The following PLEKHH2 variants were observed in gnomAD, a reference collection of about 807,000 sequenced individuals.
PLEKHH2 encodes pleckstrin homology domain-containing family H member 2.
In PLEKHH2, 129 loss-of-function variants were observed where a neutral mutation model predicts 187.9. The ratio of observed to expected loss-of-function variants is 0.69; its 90% CI spans 0.59 to 0.79. The LOEUF (loss-of-function observed/expected upper bound fraction) is 0.79, where lower values mean the gene tolerates loss of function less well. Among genes scored for constraint, PLEKHH2 ranks in the 30% least tolerant of loss-of-function variants. The pLI, the probability that PLEKHH2 is intolerant of heterozygous loss-of-function variation, is 0.00. For synonymous variants in PLEKHH2, 686 were observed against 605.6 expected, an observed-to-expected ratio of 1.13 and a Z score of -1.95; for missense variants, 2,076 against 1,751.2, an observed-to-expected ratio of 1.19 and a Z score of -3.31.
intron 2 of PLEKHH2, among the ~76,000 whole-genome samples, chr2:43,672,242 A>G (rs942502839): frequency 6.6e-6 from 1 of 152,084 alleles, no homozygotes; most frequent in Non-Finnish European, 1.5e-5. Context: ...CATTACTGAT[A>G]TTGATAATTT....
chr2:43,742,093 A>G (rs1671590719), intron 21 of PLEKHH2, among the ~76,000 whole-genome samples: 1 of 151,808 alleles, frequency 6.6e-6, no homozygotes, highest in East Asian at 1.9e-4. Context: ...CTCCACCTCC[A>G]AGGTCCAAGT....
chr2:43,743,010 C>A, intron 22 of PLEKHH2, 92 bp downstream of exon 22: 2 of 1,016,020 alleles, frequency 2.0e-6, no homozygotes, highest in South Asian at 3.0e-5. Flanking sequence ...CTTTTGTCAG[C>A]ACCTGGCAGT....
intron 2 of PLEKHH2, among the ~76,000 whole-genome samples, chr2:43,674,363 T>G (rs1177945086): frequency 6.6e-6 from 1 of 152,204 alleles, no homozygotes; most frequent in Non-Finnish European, 1.5e-5. Context: ...ATAGTTATAT[T>G]GTAGAAGTGA....
At chr2:43,761,479 C>T (rs1407653236) in intron 27 of PLEKHH2, among the ~76,000 whole-genome samples, 3 of 145,914 alleles carry the variant, frequency 2.1e-5, no homozygotes, top group African/African-American at 7.7e-5. Context: ...GGCACTATCT[C>T]AGCTCACTGC....
In PLEKHH2 at chr2:43,727,962, G is replaced by A. The variant is rs530858331; in HGVS notation, c.2721+1511G>A. On this transcript the variant is annotated intron_variant, in intron 17 of 29. Transcript: ENST00000282406. The stretch of plus-strand genomic sequence containing the variant: ...TACGCTCATCTGTAATCAAAGATGC[G>A]CACATTTAAAAATGATAAAGCTTTT... Among the ~76,000 whole-genome samples, 7 of 152,196 alleles carry A rather than the reference G, an allele frequency of 4.6e-5. No homozygotes were observed. The South Asian group carries it at 6.2e-4, about 14-fold the overall frequency.
At chr2:43,746,955 G>A (rs987704846) in intron 24 of PLEKHH2, among the ~76,000 whole-genome samples, 2 of 151,616 alleles carry the variant, frequency 1.3e-5, no homozygotes, top group East Asian at 1.9e-4. Flanking sequence ...GGACGACAAA[G>A]CGAGACTCTG....
chr2:43,744,869 A>G (rs1335239542), intron 23 of PLEKHH2, among the ~76,000 whole-genome samples: 8 of 131,900 alleles, frequency 6.1e-5, no homozygotes, highest in African/African-American at 2.2e-4. Flanking sequence ...CTGTCTCACA[A>G]AAAAAAAAAA....
chr2:43,719,039 CT>C (rs1315761939), intron 15 of PLEKHH2, among the ~76,000 whole-genome samples: 1 of 152,156 alleles, frequency 6.6e-6, no homozygotes, highest in Non-Finnish European at 1.5e-5. Flanking sequence ...TATTGAGTAA[CT>C]ACTGTCATCC....
intron 28 of PLEKHH2, among the ~76,000 whole-genome samples, chr2:43,762,879 C>T (rs1386654625): frequency 6.6e-6 from 1 of 151,892 alleles, no homozygotes; most frequent in African/African-American, 2.4e-5. Flanking sequence ...ATTTATTTAC[C>T]CGAAATTTAC....
chr2:43,666,207 G>A (rs1392866105), intron 2 of PLEKHH2, among the ~76,000 whole-genome samples: 1 of 150,376 alleles, frequency 6.6e-6, no homozygotes, highest in Non-Finnish European at 1.5e-5. Context: ...TCTGAAAAGC[G>A]CAGTATTCGG....
intron 1 of PLEKHH2, among the ~76,000 whole-genome samples, chr2:43,639,900 A>C (rs1315668713): frequency 6.6e-6 from 1 of 151,810 alleles, no homozygotes; most frequent in Non-Finnish European, 1.5e-5. Flanking sequence ...CAGATGATCC[A>C]CCTGCTTTTG....
At chr2:43,710,931 A>G in intron 14 of PLEKHH2, 1 of 1,019,646 alleles carries the variant, frequency 9.8e-7, no homozygotes. Context: ...ATGTACTGTG[A>G]AATTCAGGAA....
At chr2:43,639,956 C>G (rs531773213) in intron 1 of PLEKHH2, among the ~76,000 whole-genome samples, 1 of 152,052 alleles carries the variant, frequency 6.6e-6, no homozygotes, top group Non-Finnish European at 1.5e-5. Context: ...TGCACCCAGC[C>G]AGATCTACTA....
chr2:43,690,088 G>A (rs1668719794), intron 3 of PLEKHH2, among the ~76,000 whole-genome samples: 2 of 152,116 alleles, frequency 1.3e-5, no homozygotes, highest in African/African-American at 2.4e-5. Flanking sequence ...TTGGACTTGG[G>A]CTCTGCTCCT....
chr2:43,669,322 T>A (rs1667385221), intron 2 of PLEKHH2, among the ~76,000 whole-genome samples: 3 of 152,194 alleles, frequency 2.0e-5, no homozygotes, highest in African/African-American at 7.2e-5. Flanking sequence ...AATGGGGGAA[T>A]GACTGCCAAT....
intron 28 of PLEKHH2, among the ~76,000 whole-genome samples, chr2:43,763,064 T>A (rs1398277844): frequency 1.3e-5 from 2 of 152,214 alleles, no homozygotes; most frequent in Non-Finnish European, 2.9e-5. Flanking sequence ...TTATAGTCAC[T>A]GTTTCCCCTT....
intron 2 of PLEKHH2, chr2:43,675,269 T>C: frequency 1.6e-6 from 1 of 630,926 alleles, no homozygotes; most frequent in Non-Finnish European, 2.6e-6. Flanking sequence ...TAATAATATA[T>C]GAATTATTGA....
rs1204181913 is a variant in PLEKHH2 at position 43,676,056 on chromosome 2, C to A, written c.124-2807C>A. On this transcript the variant is annotated intron_variant, in intron 2 of 29. Transcript: ENST00000282406. ...CTTTGTCACAGTGTTTGGTCCAGGT[C>A]TCTTTCAGTACAGCCCAGTAACTCT... 1.9e-6 allele frequency: 3 copies of A among 1,613,938 alleles called. No homozygotes were observed. In the Admixed American group the frequency reaches 5.0e-5, roughly 27 times the overall value.
chr2:43,657,574 A>G (rs76394090), intron 2 of PLEKHH2, among the ~76,000 whole-genome samples: 44 of 152,334 alleles, frequency 2.9e-4, no homozygotes, highest in African/African-American at 1.0e-3. Flanking sequence ...GGGAAGGGGA[A>G]ATATCTTTTA....
Sources: gnomAD v4.1 joint callset for allele counts (sites outside exome capture counted in the v4.1 genomes callset) on GRCh38, gnomAD v4.1.1 for gene constraint, MANE v1.5 for transcripts, NCBI Gene and HGNC (gene_info 2026-07-23, HGNC 2026-07-21) for gene names.